The following SCYL2 variants were observed in gnomAD, a reference collection of about 807,000 sequenced individuals.
The protein encoded by SCYL2 is SCY1 like pseudokinase 2.
SCYL2 carries 36 observed loss-of-function variants against 100.4 expected under a neutral mutation model. The ratio of observed to expected loss-of-function variants is 0.36; its 90% CI spans 0.27 to 0.47. SCYL2 has a LOEUF of 0.47. Ranked by LOEUF, SCYL2 falls within the 20% of genes least tolerant of loss-of-function variation. The pLI, the probability that SCYL2 is intolerant of heterozygous loss-of-function variation, is 1.00. For missense variants in SCYL2, 902 were observed against 1,083.9 expected (o/e 0.83, Z 2.36); for synonymous variants, 330 against 359.2 (o/e 0.92, Z 0.92).
intron 3 of SCYL2, among the ~76,000 whole-genome samples, chr12:100,294,418 G>C (rs2096315128): frequency 1.7e-5 from 2 of 116,766 alleles, no homozygotes; most frequent in Non-Finnish European, 3.7e-5. Context: ...CGGGGCGGCT[G>C]GCCGGGCGGG....
At chr12:100,298,738 C>T (rs371004822) in intron 4 of SCYL2, among the ~76,000 whole-genome samples, 133 of 152,212 alleles carry the variant, frequency 8.7e-4, no homozygotes, top group African/African-American at 3.0e-3. Context: ...CGTGCACCAC[C>T]ACGCCTAGCT....
chr12:100,318,441 C>T (rs1315438313), intron 10 of SCYL2, among the ~76,000 whole-genome samples: 4 of 151,652 alleles, frequency 2.6e-5, no homozygotes, highest in Non-Finnish European at 5.9e-5. Context: ...AGCAATTCTC[C>T]TGCCTCAGCC....
At chr12:100,277,254 G>T (rs1210903708) in intron 1 of SCYL2, among the ~76,000 whole-genome samples, 1 of 152,180 alleles carries the variant, frequency 6.6e-6, no homozygotes, top group Non-Finnish European at 1.5e-5. Flanking sequence ...CATTTGTAGA[G>T]TGTGTGTTTT....
At chr12:100,291,929 A>T in intron 3 of SCYL2, 1 of 332,182 alleles carries the variant, frequency 3.0e-6, no homozygotes, top group Non-Finnish European at 5.4e-6. Flanking sequence ...AAAATAGAAC[A>T]TACAAGGGTA....
chr12:100,322,554 C>G (rs1442958964), intron 10 of SCYL2, among the ~76,000 whole-genome samples: 1 of 151,736 alleles, frequency 6.6e-6, no homozygotes. Context: ...CTCAGGAATT[C>G]GAGACCAGCC....
At chr12:100,328,193 A>G (rs1207471152) in intron 12 of SCYL2, among the ~76,000 whole-genome samples, 2 of 152,082 alleles carry the variant, frequency 1.3e-5, no homozygotes, top group Non-Finnish European at 2.9e-5. Flanking sequence ...TGGGAGAATC[A>G]CATGAACCAG....
intron 9 of SCYL2, 113 bp from the exon 10 acceptor site, chr12:100,317,690 A>T (rs1223035307): frequency 7.0e-7 from 1 of 1,430,684 alleles, no homozygotes; most frequent in African/African-American, 1.4e-5. Flanking sequence ...GGCTAGCAAC[A>T]TGGTGAGTGT....
At chr12:100,323,446 T>C (rs898133917) in intron 10 of SCYL2, 79 bp from the exon 11 acceptor site, 1 of 833,026 alleles carries the variant, frequency 1.2e-6, no homozygotes, top group Non-Finnish European at 2.0e-6. Flanking sequence ...AGTTTAGCCA[T>C]GCAAATGCAA....
rs2096310795 is a variant in SCYL2 at position 100,291,655 on chromosome 12, A to C, written c.330A>C (p.Glu110Asp). ...TTACTGTCCAGCATCCTTTAGAAGA[A>C]TCCAGGTAAATTTTTACAAAAACTT... ...RLLTVQHPLE[E>D]SRDCLAFCTE... Residue 110 changes from glutamate to aspartate, a missense_variant, in exon 3 of 18, where the codon GAA (glutamate) becomes GAC (aspartate). Physicochemically the swap from Glu to Asp is conservative, Grantham distance 45. Transcript: ENST00000360820. The C allele has an allele frequency of 6.4e-7, 1 of 1,572,840 alleles. No individual in the cohort carries two copies. Among genetic ancestry groups the C allele is most frequent in the African/African-American group, 1.4e-5 (1 of 72,614 alleles).
chr12:100,303,088 T>G (rs541471232), intron 4 of SCYL2, among the ~76,000 whole-genome samples: 2 of 152,206 alleles, frequency 1.3e-5, no homozygotes, highest in African/African-American at 4.8e-5. Context: ...TCATGCTGTG[T>G]TTTTCAGCTC....
intron 11 of SCYL2, among the ~76,000 whole-genome samples, chr12:100,325,002 G>T (rs1031232450): frequency 6.6e-6 from 1 of 152,124 alleles, no homozygotes; most frequent in East Asian, 1.9e-4. Context: ...AGGCTGAGGC[G>T]AGTGGATCTC....
chr12:100,322,267 G>C (rs909689845), intron 10 of SCYL2, among the ~76,000 whole-genome samples: 2 of 149,220 alleles, frequency 1.3e-5, no homozygotes, highest in Admixed American at 1.3e-4. Context: ...CAGCTACGCG[G>C]GAGGCTGAGG....
chr12:100,335,725 C>G, intron 15 of SCYL2, 34 bp downstream of exon 15: 4 of 1,593,122 alleles, frequency 2.5e-6, no homozygotes, highest in Non-Finnish European at 3.4e-6. Flanking sequence ...AGAAAGTATG[C>G]TTCATCTGGA....
intron 3 of SCYL2, among the ~76,000 whole-genome samples, chr12:100,295,615 GGCAGGGAGGTT>G (rs1409855522): frequency 4.6e-5 from 7 of 152,166 alleles, no homozygotes; most frequent in Non-Finnish European, 5.9e-5. Flanking sequence ...AGGAGAATCA[GGCAGGGAGGTT>G]GCAGTGAGCC....
At chr12:100,300,459 C>T (rs1195603130) in intron 4 of SCYL2, among the ~76,000 whole-genome samples, 1 of 151,986 alleles carries the variant, frequency 6.6e-6, no homozygotes, top group African/African-American at 2.4e-5. Flanking sequence ...AATGGGGCAT[C>T]CATCTCCTCA....
At chr12:100,294,203 G>T (rs2096314341) in intron 3 of SCYL2, among the ~76,000 whole-genome samples, 1 of 144,996 alleles carries the variant, frequency 6.9e-6, no homozygotes, top group African/African-American at 2.6e-5. Flanking sequence ...GGCCAGGCGG[G>T]GGGGTGACCC....
At chr12:100,319,240 G>GT (rs1451101819) in intron 10 of SCYL2, 14 of 455,828 alleles carry the variant, frequency 3.1e-5, no homozygotes. Context: ...CTTCTTAAAG[G>GT]TGAGGGTATG....
At chr12:100,336,037 C>A in intron 16 of SCYL2, 131 bp downstream of exon 16, 1 of 685,846 alleles carries the variant, frequency 1.5e-6, no homozygotes, top group East Asian at 2.7e-5. Flanking sequence ...TTCTGAAATT[C>A]CTTTATCAGT....
intron 4 of SCYL2, among the ~76,000 whole-genome samples, chr12:100,301,208 A>G (rs1247921633): frequency 2.6e-5 from 4 of 152,120 alleles, no homozygotes; most frequent in Non-Finnish European, 5.9e-5. Flanking sequence ...GGGTGAGTTG[A>G]TATCTCATTG....
Sources: allele counts gnomAD v4.1 joint callset (sites outside exome capture counted in the v4.1 genomes callset), GRCh38; gene constraint gnomAD v4.1.1; transcripts MANE v1.5; gene names NCBI Gene and HGNC (gene_info 2026-07-23, HGNC 2026-07-21).